XKR3: variants seen among roughly 807,000 people sequenced by gnomAD.
XKR3 encodes the protein XK-related protein 3.
Under a neutral mutation model 40.3 loss-of-function variants are expected in XKR3, and 27 were observed. That is an observed-to-expected ratio of 0.67 (90% CI 0.49 to 0.92). The LOEUF (loss-of-function observed/expected upper bound fraction) is 0.92. Ranked by LOEUF, XKR3 falls within the 40% of genes least tolerant of loss-of-function variation. The pLI, the probability that XKR3 is intolerant of heterozygous loss-of-function variation, is 0.00. For synonymous variants in XKR3, 193 were observed against 195.4 expected, an observed-to-expected ratio of 0.99 and a Z score of 0.10; for missense variants, 472 against 537.6, an observed-to-expected ratio of 0.88 and a Z score of 1.21.
chr22:16,822,015 A>G (rs1372337308), intron 1 of XKR3, among the ~76,000 whole-genome samples: 9 of 152,144 alleles, frequency 5.9e-5, no homozygotes, highest in Non-Finnish European at 7.4e-5. Context: ...TGTATCTACA[A>G]ATTAATTTAT....
At chr22:16,810,753 C>T (rs1231799793) in intron 1 of XKR3, among the ~76,000 whole-genome samples, 28 of 152,186 alleles carry the variant, frequency 1.8e-4, no homozygotes, top group Non-Finnish European at 4.0e-4. Flanking sequence ...AACCATGGTC[C>T]TTATAATGTA....
chr22:16,816,832 T>G (rs1387990746), intron 1 of XKR3, among the ~76,000 whole-genome samples: 1 of 152,048 alleles, frequency 6.6e-6, no homozygotes, highest in Non-Finnish European at 1.5e-5. Flanking sequence ...ATCTTTCATG[T>G]ATGGTCATCA....
Position 16,801,829 on chromosome 22 carries a change from T to C in XKR3, c.336-1805A>G, listed in dbSNP as rs115853171. The stretch of plus-strand genomic sequence containing the variant: ...AATATTATTTTGTCAGAAAACTGTA[T>C]TAATTTTAAGCTTCTATACACCCAA... On this transcript the variant is annotated intron_variant, in intron 2 of 3. Coordinates refer to ENST00000684488, the MANE Select transcript of XKR3 (RefSeq NM_001386955.1). Among the ~76,000 whole-genome samples, 860 of 152,326 alleles carry C rather than the reference T, an allele frequency of 5.6e-3. 11 individuals carry two copies. Among genetic ancestry groups the C allele is most frequent in the African/African-American group, 0.02 (826 of 41,584 alleles).
At chr22:16,814,373 T>C (rs1287313328) in intron 1 of XKR3, among the ~76,000 whole-genome samples, 1 of 152,182 alleles carries the variant, frequency 6.6e-6, no homozygotes, top group African/African-American at 2.4e-5. Context: ...TCTATTTCAT[T>C]GGTGTATTGT....
At chr22:16,806,474 T>G (rs1013441985) in intron 2 of XKR3, among the ~76,000 whole-genome samples, 7 of 150,284 alleles carry the variant, frequency 4.7e-5, no homozygotes, top group African/African-American at 1.5e-4. Flanking sequence ...TTAAGGTTTT[T>G]TTTTTTTTTT....
At chr22:16,785,444 A>G (rs1184609073) in intron 3 of XKR3, among the ~76,000 whole-genome samples, 6 of 152,256 alleles carry the variant, frequency 3.9e-5, no homozygotes, top group Non-Finnish European at 2.9e-5. Flanking sequence ...CTCAACAATT[A>G]GACAAATAAG....
intron 3 of XKR3, among the ~76,000 whole-genome samples, chr22:16,786,016 CTTA>C (rs2060089024): frequency 6.6e-6 from 1 of 152,074 alleles, no homozygotes; most frequent in East Asian, 1.9e-4. Flanking sequence ...CCATTTATTC[CTTA>C]AGGAATACTC....
intron 1 of XKR3, among the ~76,000 whole-genome samples, chr22:16,809,437 C>A (rs1256571507): frequency 6.6e-6 from 1 of 152,208 alleles, no homozygotes; most frequent in South Asian, 2.1e-4. Flanking sequence ...AACTGTCTCT[C>A]ATGGTGCTGA....
intron 2 of XKR3, among the ~76,000 whole-genome samples, chr22:16,806,214 G>A (rs921471523): frequency 2.0e-5 from 3 of 149,364 alleles, no homozygotes; most frequent in Non-Finnish European, 4.4e-5. Flanking sequence ...AGCCAAGATT[G>A]TGTCAATGCA....
chr22:16,792,007 T>A (rs1226956504), intron 3 of XKR3, among the ~76,000 whole-genome samples: 4 of 152,104 alleles, frequency 2.6e-5, no homozygotes, highest in Admixed American at 6.5e-5. Context: ...AATGGCACTA[T>A]CTCGGCTCAT....
chr22:16,791,025 T>C (rs1186298666), intron 3 of XKR3, among the ~76,000 whole-genome samples: 1 of 152,172 alleles, frequency 6.6e-6, no homozygotes, highest in African/African-American at 2.4e-5. Context: ...TACTAATGCA[T>C]TATCCAGAAA....
At chr22:16,797,664 G>C (rs1483264089) in intron 3 of XKR3, among the ~76,000 whole-genome samples, 1 of 151,682 alleles carries the variant, frequency 6.6e-6, no homozygotes, top group Non-Finnish European at 1.5e-5. Flanking sequence ...ATGGTGGTGG[G>C]CACCTGTGGT....
chr22:16,792,355 A>G (rs2060123975), intron 3 of XKR3, among the ~76,000 whole-genome samples: 1 of 152,238 alleles, frequency 6.6e-6, no homozygotes, highest in African/African-American at 2.4e-5. Context: ...TGGTAATAGG[A>G]AAAGTGAACA....
intron 2 of XKR3, among the ~76,000 whole-genome samples, chr22:16,805,816 G>T (rs1392166550): frequency 6.6e-6 from 1 of 152,148 alleles, no homozygotes; most frequent in Non-Finnish European, 1.5e-5. Flanking sequence ...CAACAAGGCT[G>T]CCAGGTCCAT....
chr22:16,803,040 G>T (rs1490746853), intron 2 of XKR3, among the ~76,000 whole-genome samples: 1 of 151,688 alleles, frequency 6.6e-6, no homozygotes, highest in Admixed American at 6.6e-5. Context: ...GGACTTCCAT[G>T]TCAATCCATC....
At chr22:16,796,203 T>C (rs1275073176) in intron 3 of XKR3, among the ~76,000 whole-genome samples, 2 of 152,094 alleles carry the variant, frequency 1.3e-5, no homozygotes, top group African/African-American at 4.8e-5. Flanking sequence ...ATTGTTTAGG[T>C]AATAAAGAAC....
At chr22:16,814,104 T>G (rs1202890664) in intron 1 of XKR3, among the ~76,000 whole-genome samples, 1 of 152,238 alleles carries the variant, frequency 6.6e-6, no homozygotes, top group African/African-American at 2.4e-5. Flanking sequence ...AAGAAACGTT[T>G]GCGTAATCTA....
intron 3 of XKR3, among the ~76,000 whole-genome samples, chr22:16,791,802 AGAGAGAGAG>A: frequency 8.2e-6 from 1 of 121,936 alleles, no homozygotes; most frequent in South Asian, 2.9e-4. Flanking sequence ...AGAGAGAGAG[AGAGAGAGAG>A]AAAGAGAGAG....
At chr22:16,800,170 A>G (rs1423477047) in intron 2 of XKR3, 146 bp from the exon 3 acceptor site, 20 of 953,844 alleles carry the variant, frequency 2.1e-5, no homozygotes, top group Non-Finnish European at 6.0e-6. Flanking sequence ...TGGATAAAAA[A>G]TAAGTTTCTA....
Sources: gnomAD v4.1 joint callset for allele counts (sites outside exome capture counted in the v4.1 genomes callset) on GRCh38, gnomAD v4.1.1 for gene constraint, MANE v1.5 for transcripts, NCBI Gene and HGNC (gene_info 2026-07-23, HGNC 2026-07-21) for gene names.